Variants in NKX3-2 observed in about 807,000 individuals in gnomAD.
NKX3-2 encodes the protein homeobox protein Nkx-3.2.
NKX3-2 carries 13 observed loss-of-function variants against 19.4 expected under a neutral mutation model. The ratio of observed to expected loss-of-function variants is 0.67; its 90% CI spans 0.44 to 1.07. The LOEUF (loss-of-function observed/expected upper bound fraction) is 1.07, where lower values mean the gene tolerates loss of function less well. NKX3-2 is among the 50% of genes least tolerant of loss of function. The pLI is 0.00. For synonymous variants in NKX3-2, 269 were observed against 230.5 expected (o/e 1.17, Z -1.51); for missense variants, 562 against 488.2 (o/e 1.15, Z -1.42).
At chr4:13,547,262 G>A (rs1198915737), upstream of NKX3-2, 1 of 456,210 alleles carries the variant, frequency 2.2e-6, no homozygotes, top group African/African-American at 2.0e-5. Context: ...CCTGTCGGAG[G>A]ACGGCAGATC....
chr4:13,543,638 C>T lies in NKX3-2; in HGVS notation c.466+311G>A, dbSNP rs994277407. ...ATTTGGGGACAGACACGGCAGAAAG[C>T]ACTGGCGACGAACTCAAAAACTCCC... On this transcript the variant is annotated intron_variant, in intron 1 of 1. Coordinates refer to ENST00000382438, the MANE Select transcript of NKX3-2 (RefSeq NM_001189.4). This position sits in a 1 kb window ranked among gnomAD's most constrained non-coding sequence, Gnocchi z 7.1. Among the ~76,000 whole-genome samples the T allele has an allele frequency of 5.9e-5, 9 of 152,194 alleles. No homozygotes were observed. Among genetic ancestry groups the T allele is most frequent in the Non-Finnish European group, 1.3e-4 (9 of 68,028 alleles).
Position 13,542,361 on chromosome 4 carries a change from C to T in NKX3-2, c.634G>A (p.Ala212Thr). ...TCGAAGACCTGCGCGTGGGAGAAAG[C>T]GGCCCGCGAGCGCTTCTTGCGTGGC... ...PKPRKKRSRAAFSHAQVFELE... is the reference protein window; with the variant it reads ...PKPRKKRSRATFSHAQVFELE... Residue 212 changes from alanine to threonine, a missense_variant, in exon 2 of 2, where the codon GCT becomes ACT. By Grantham distance (58) the Ala-to-Thr change is moderately conservative. Transcript: ENST00000382438. The surrounding 1 kb of genome is among the most constrained non-coding windows in gnomAD (Gnocchi z 6.4). 2.0e-6 allele frequency: 3 copies of T among 1,528,908 alleles called. No individual in the cohort carries two copies. Among genetic ancestry groups the T allele is most frequent in the Admixed American group, 2.1e-5 (1 of 47,476 alleles). The allele number at this position is 1,528,908 out of a possible 1,614,324, so 94.7% of individuals were successfully genotyped here.
At chr4:13,547,059 G>T, upstream of NKX3-2, 1 of 456,370 alleles carries the variant, frequency 2.2e-6, no homozygotes, top group Non-Finnish European at 4.4e-6. Flanking sequence ...AGAGCCGGGA[G>T]TTGGGTGCTT....
chr4:13,545,577 T>C (rs2109006708), upstream of NKX3-2, among the ~76,000 whole-genome samples: 1 of 152,354 alleles, frequency 6.6e-6, no homozygotes, highest in South Asian at 2.1e-4. Context: ...TTGATTCGAT[T>C]TTTATAGAGG....
upstream of NKX3-2, chr4:13,544,782 T>G: frequency 6.2e-6 from 1 of 161,394 alleles, no homozygotes; most frequent in Admixed American, 6.4e-5. Flanking sequence ...AGCAGTCCCC[T>G]CCCGAGCGCC....
At chr4:13,547,369 T>A (rs1718157329), upstream of NKX3-2, 3 of 375,550 alleles carry the variant, frequency 8.0e-6, no homozygotes, top group South Asian at 1.9e-5. Flanking sequence ...CTCTGCAACC[T>A]CCCGACGGGC....
Position 13,543,203 on chromosome 4 carries a change from G to T in NKX3-2, c.467-675C>A, listed in dbSNP as rs187378902. On this transcript the variant is annotated intron_variant, in intron 1 of 1. Coordinates refer to ENST00000382438, the MANE Select transcript of NKX3-2 (RefSeq NM_001189.4). The surrounding 1 kb of genome is among the most constrained non-coding windows in gnomAD (Gnocchi z 7.1). ...TTCTCGGTCTCGTACCCGCCCTTCCGAAGAACTCCAGCAGAAAGGTCCAGC... is the reference window on the plus strand; with the variant it reads ...TTCTCGGTCTCGTACCCGCCCTTCCTAAGAACTCCAGCAGAAAGGTCCAGC... Among the ~76,000 whole-genome samples the T allele has an allele frequency of 3.6e-4, 55 of 152,150 alleles. No individual in the cohort carries two copies. Among genetic ancestry groups the T allele is most frequent in the Admixed American group, 1.0e-3 (16 of 15,270 alleles).
At position 13,542,529 on chromosome 4, in the gene NKX3-2, C is replaced by T; in HGVS notation, c.467-1G>A. On this transcript the variant is annotated splice_acceptor_variant, in intron 1 of 1. Transcript: ENST00000382438. LOFTEE classifies it high-confidence loss of function. This position sits in a 1 kb window ranked among gnomAD's most constrained non-coding sequence, Gnocchi z 6.4. ...TCCTCGGTCCTTGGGCTGCGGTCGCCTGCGGACCCCGGTGGGAACAGAAAC... is the reference window on the plus strand; with the variant it reads ...TCCTCGGTCCTTGGGCTGCGGTCGCTTGCGGACCCCGGTGGGAACAGAAAC... 1 of 1,596,454 alleles carries T rather than the reference C, an allele frequency of 6.3e-7. No individual in the cohort carries two copies. Among genetic ancestry groups the T allele is most frequent in the Non-Finnish European group, 8.5e-7 (1 of 1,179,614 alleles).
rs929243519 is a variant in NKX3-2 at position 13,543,064 on chromosome 4, T to C, written c.467-536A>G. Among the ~76,000 whole-genome samples, 1 of 152,022 alleles carries C rather than the reference T, an allele frequency of 6.6e-6. No individual in the cohort carries two copies. Among genetic ancestry groups the C allele is most frequent in the Middle Eastern group, 3.2e-3 (1 of 316 alleles). ...TTCACCCTCAGCCGCCTGGGATTGC[T>C]GTGAGAGACATGGAAACAGGCTGAG... On this transcript the variant is annotated intron_variant, in intron 1 of 1. Coordinates refer to ENST00000382438, the MANE Select transcript of NKX3-2 (RefSeq NM_001189.4). The surrounding 1 kb of genome is among the most constrained non-coding windows in gnomAD (Gnocchi z 7.1).
chr4:13,547,248 T>G (rs1161646234), upstream of NKX3-2: 6 of 456,176 alleles, frequency 1.3e-5, no homozygotes, highest in African/African-American at 1.2e-4. Flanking sequence ...GCAGCAGGCC[T>G]GCGCCTGTCG....
Position 13,543,860 on chromosome 4 carries a change from G to T in NKX3-2, c.466+89C>A. The T allele has an allele frequency of 8.2e-7, 1 of 1,217,374 alleles. No homozygotes were observed. Among genetic ancestry groups the T allele is most frequent in the Non-Finnish European group, 1.1e-6 (1 of 905,544 alleles). 75.4% of individuals were successfully genotyped at this position (1,217,374 alleles called of 1,614,324 possible). On this transcript the variant is annotated intron_variant, in intron 1 of 1. Coordinates refer to ENST00000382438, the MANE Select transcript of NKX3-2 (RefSeq NM_001189.4). This position sits in a 1 kb window ranked among gnomAD's most constrained non-coding sequence, Gnocchi z 7.1. ...CAGCCTCCGAGCCCCAGGGCGCAGG[G>T]TGCTCAAGCCGACCACCCCACTCGG...
rs1485124671 is a variant in NKX3-2 at position 13,541,939 on chromosome 4, C to T, written c.*54G>A. On this transcript the variant is annotated 3_prime_UTR_variant, in exon 2 of 2. Transcript: ENST00000382438. ...GCAGGCTACAGCCTACAGCTGTCAG[C>T]GCCGGTCCGGAGCCGGAGCGCGGGA... 1.9e-6 allele frequency: 3 copies of T among 1,548,542 alleles called. No homozygotes were observed. The highest frequency in any genetic ancestry group is 8.7e-7 in the Non-Finnish European group (1 of 1,146,800).
Position 13,544,247 on chromosome 4 carries a change from C to G in NKX3-2, c.168G>C (p.Gly56=). The G allele has an allele frequency of 6.3e-7, 1 of 1,581,452 alleles. No individual in the cohort carries two copies. The highest frequency in any genetic ancestry group is 8.5e-7 in the Non-Finnish European group (1 of 1,172,356). ...CCCCCAACGCGCCCGCGTCCCTCTCCCCAAAGAGCCGCCAACAGCAGACAG... is the reference window on the plus strand; with the variant it reads ...CCCCCAACGCGCCCGCGTCCCTCTCGCCAAAGAGCCGCCAACAGCAGACAG... ...APAVCCWRLF[G]ERDAGALGGA... is the part of the protein sequence containing the mutation. Residue 56 remains glycine, a synonymous_variant, in exon 1 of 2, where the codon GGG becomes GGC. Transcript: ENST00000382438.
Position 13,541,779 on chromosome 4 carries a change from A to C in NKX3-2, c.*214T>G. 1 of 614,540 alleles carries C rather than the reference A, an allele frequency of 1.6e-6. No homozygotes were observed. Among genetic ancestry groups the C allele is most frequent in the Non-Finnish European group, 2.7e-6 (1 of 366,770 alleles). 38.1% of individuals were successfully genotyped at this position (614,540 alleles called of 1,614,324 possible). On this transcript the variant is annotated 3_prime_UTR_variant, in exon 2 of 2. Coordinates refer to ENST00000382438, the MANE Select transcript of NKX3-2 (RefSeq NM_001189.4). Reference sequence around the variant, plus strand: ...TGGGCGATCAGGGCCCCTAGGCCATAGGGTGCCTCTGTTCAAATTAGAAAA... The same window carrying C: ...TGGGCGATCAGGGCCCCTAGGCCATCGGGTGCCTCTGTTCAAATTAGAAAA...
rs1718053925 is a variant in NKX3-2 at position 13,544,000 on chromosome 4, C to G, written c.415G>C (p.Glu139Gln). 2 of 1,572,456 alleles carry G rather than the reference C, an allele frequency of 1.3e-6. No homozygotes were observed. Among genetic ancestry groups the G allele is most frequent in the African/African-American group, 1.4e-5 (1 of 72,124 alleles). Residue 139 changes from glutamate to glutamine, a missense_variant, in exon 1 of 2, where the codon GAG becomes CAG. By Grantham distance (29) the Glu-to-Gln change is conservative. Coordinates refer to ENST00000382438, the MANE Select transcript of NKX3-2 (RefSeq NM_001189.4). The surrounding 1 kb of genome is among the most constrained non-coding windows in gnomAD (Gnocchi z 7.1). ...VCELAASKDLEEEAAGRSDSE... is the reference protein window; with the variant it reads ...VCELAASKDLQEEAAGRSDSE... ...TCGCTCCGGCCCGCGGCTTCCTCCT[C>G]TAGGTCTTTGGAAGCGGCCAGCTCA... is the stretch of plus-strand genomic sequence containing the variant.
chr4:13,541,837 G>A lies in NKX3-2; in HGVS notation c.*156C>T, dbSNP rs559427626. ...CCCTCAGGGCAGACTCAGCCCAGCT[G>A]CCAGGGGACAAGTCCTGGCTAACGG... On this transcript the variant is annotated 3_prime_UTR_variant, in exon 2 of 2. Coordinates refer to ENST00000382438, the MANE Select transcript of NKX3-2 (RefSeq NM_001189.4). The A allele has an allele frequency of 1.8e-5, 21 of 1,194,998 alleles. No homozygotes were observed. In the South Asian group the frequency reaches 3.3e-4, roughly 18 times the overall value. The allele number at this position is 1,194,998 out of a possible 1,614,324, so 74.0% of individuals were successfully genotyped here.
chr4:13,546,138 A>G (rs1718127842), upstream of NKX3-2: 1 of 152,252 alleles, frequency 6.6e-6, no homozygotes, highest in Non-Finnish European at 1.5e-5. Context: ...TGGTGTCATT[A>G]AAATAAATAA....
Position 13,544,180 on chromosome 4 carries a change from T to A in NKX3-2, c.235A>T (p.Thr79Ser), listed in dbSNP as rs200167000. The A allele has an allele frequency of 3.2e-3, 5,138 of 1,603,892 alleles. 12 individuals carry two copies. The highest frequency in any genetic ancestry group is 3.8e-3 in the Non-Finnish European group (4,487 of 1,178,948). ...SLLASPAGTR[T>S]AAGRTAESPE... ...CTCTCCGCAGTCCGCCCCGCAGCTG[T>A]TCTGGTACCGGCAGGAGACGCCAGC... The change falls in exon 1 of 2, where the codon ACA becomes TCA. Residue 79 changes from threonine (T) to serine (S), a missense_variant. Coordinates refer to ENST00000382438, the MANE Select transcript of NKX3-2 (RefSeq NM_001189.4).
upstream of NKX3-2, among the ~76,000 whole-genome samples, chr4:13,545,879 T>TA (rs1446641366): frequency 2.6e-5 from 4 of 152,206 alleles, no homozygotes; most frequent in African/African-American, 7.2e-5. Context: ...TTTTGCTCTT[T>TA]AAAAAATAAG....
Sources: gnomAD v4.1 joint callset for allele counts (sites outside exome capture counted in the v4.1 genomes callset) on GRCh38, gnomAD v4.1.1 for gene constraint, Gnocchi (gnomAD v3.1) non-coding constraint, MANE v1.5 for transcripts, NCBI Gene and HGNC (gene_info 2026-07-23, HGNC 2026-07-21) for gene names.